The following KLHL7 variants were observed in gnomAD, a reference collection of about 807,000 sequenced individuals.
KLHL7 encodes kelch like family member 7.
KLHL7 carries 44 observed loss-of-function variants against 67.4 expected under a neutral mutation model. That is an observed-to-expected ratio of 0.65 (90% CI 0.51 to 0.84). The LOEUF (loss-of-function observed/expected upper bound fraction) is 0.84, where lower values mean the gene tolerates loss of function less well. Among genes scored for constraint, KLHL7 ranks in the 40% least tolerant of loss-of-function variants. The pLI, the probability that KLHL7 is intolerant of heterozygous loss-of-function variation, is 0.00. For synonymous variants in KLHL7, 252 were observed against 243.3 expected, an observed-to-expected ratio of 1.04 and a Z score of -0.33; for missense variants, 362 against 718.1, an observed-to-expected ratio of 0.50 and a Z score of 5.67.
intron 9 of KLHL7, 77 bp from the exon 10 acceptor site, chr7:23,172,871 A>C: frequency 9.5e-7 from 1 of 1,053,352 alleles, no homozygotes; most frequent in Non-Finnish European, 1.5e-6. Flanking sequence ...ACTTAATTAG[A>C]ATAATAGACC....
At position 23,161,821 on chromosome 7, in the gene KLHL7, T is replaced by C. The variant is rs189137525; in HGVS notation, c.937-3877T>C. ...GGTGGCCCTAATGGATGATATATAC[T>C]TTTCTACAAATGTGAACTATCACTC... On this transcript the variant is annotated intron_variant, in intron 7 of 10. Transcript: ENST00000339077. Among the ~76,000 whole-genome samples, 53 of 152,338 alleles carry C rather than the reference T, an allele frequency of 3.5e-4. 1 individual carries two copies. Among genetic ancestry groups the C allele is most frequent in the Admixed American group, 5.9e-4 (9 of 15,300 alleles).
chr7:23,119,779 T>G (rs1440998366), intron 1 of KLHL7, among the ~76,000 whole-genome samples: 1 of 148,204 alleles, frequency 6.7e-6, no homozygotes, highest in Non-Finnish European at 1.5e-5. Flanking sequence ...TGACTTGGGA[T>G]TTTTTTTTCA....
intron 9 of KLHL7, among the ~76,000 whole-genome samples, chr7:23,170,713 C>T (rs1330608067): frequency 6.6e-6 from 1 of 152,092 alleles, no homozygotes; most frequent in East Asian, 1.9e-4. Flanking sequence ...GATCATTACA[C>T]ATTGTATACA....
At chr7:23,119,431 C>T (rs1783238965) in intron 1 of KLHL7, among the ~76,000 whole-genome samples, 1 of 152,184 alleles carries the variant, frequency 6.6e-6, no homozygotes, top group Non-Finnish European at 1.5e-5. Context: ...TCTCAAACTC[C>T]TCAAGTGATC....
chr7:23,145,756 T>C (rs886177086), intron 6 of KLHL7, among the ~76,000 whole-genome samples: 2 of 152,232 alleles, frequency 1.3e-5, no homozygotes, highest in African/African-American at 4.8e-5. Flanking sequence ...ACTTTATTTT[T>C]TTGAGACAGA....
chr7:23,146,560 G>A (rs1340168963), intron 6 of KLHL7, among the ~76,000 whole-genome samples: 1 of 152,120 alleles, frequency 6.6e-6, no homozygotes, highest in South Asian at 2.1e-4. Flanking sequence ...CCTTTGTGAT[G>A]TGGTTGGAAA....
chr7:23,117,810 C>T (rs756434125), intron 1 of KLHL7: 25 of 1,581,930 alleles, frequency 1.6e-5, no homozygotes, highest in South Asian at 4.6e-5. Flanking sequence ...CTAATAAGGG[C>T]CTCATTTCCC....
In KLHL7 at chr7:23,174,488, C is replaced by T. The variant is rs954184562; in HGVS notation, c.*190C>T. ...ATTCAAAGATCATATTTTAGCTGGC[C>T]ACAAAACCAAGAACATATCTAGCAA... On this transcript the variant is annotated 3_prime_UTR_variant, in exon 11 of 11. Transcript: ENST00000339077. 4.2e-6 allele frequency: 3 copies of T among 709,706 alleles called. No individual in the cohort carries two copies. In the African/African-American group the frequency reaches 5.2e-5, roughly 12 times the overall value. The allele number at this position is 709,706 out of a possible 1,614,324, so 44.0% of individuals were successfully genotyped here.
chr7:23,132,469 A>G (rs1319654136), intron 4 of KLHL7, among the ~76,000 whole-genome samples: 1 of 152,156 alleles, frequency 6.6e-6, no homozygotes, highest in African/African-American at 2.4e-5. Flanking sequence ...ATATCTATTC[A>G]AATCTTTTGC....
intron 6 of KLHL7, among the ~76,000 whole-genome samples, chr7:23,149,784 C>A (rs959967054): frequency 2.0e-5 from 3 of 152,320 alleles, no homozygotes; most frequent in Admixed American, 2.0e-4. Context: ...TTTTCAGACC[C>A]CTGACCTAGA....
intron 4 of KLHL7, among the ~76,000 whole-genome samples, chr7:23,138,959 C>T (rs1158507876): frequency 2.0e-5 from 3 of 151,962 alleles, no homozygotes; most frequent in Non-Finnish European, 4.4e-5. Context: ...GAAAACTTGC[C>T]AGCTCATTCT....
chr7:23,168,084 A>C, intron 9 of KLHL7, 47 bp downstream of exon 9: 3 of 1,553,268 alleles, frequency 1.9e-6, no homozygotes, highest in Non-Finnish European at 2.7e-6. Flanking sequence ...GTATTCTATA[A>C]GCTCTGTAGG....
chr7:23,139,670 C>T (rs1433651893), intron 4 of KLHL7, among the ~76,000 whole-genome samples: 1 of 151,940 alleles, frequency 6.6e-6, no homozygotes, highest in Non-Finnish European at 1.5e-5. Context: ...TAAATGAAGA[C>T]AATGTGAAAT....
chr7:23,119,846 T>G (rs1169719585), intron 1 of KLHL7, among the ~76,000 whole-genome samples: 1 of 152,148 alleles, frequency 6.6e-6, no homozygotes, highest in East Asian at 1.9e-4. Flanking sequence ...GTTTCCATAT[T>G]TATCTTATTT....
intron 4 of KLHL7, among the ~76,000 whole-genome samples, chr7:23,128,371 G>A (rs1014300136): frequency 8.4e-5 from 12 of 142,234 alleles, no homozygotes; most frequent in Admixed American, 4.6e-4. Context: ...AGTTCCAGAA[G>A]GAACAGATGG....
rs185852811 is a variant in KLHL7, at chr7:23,171,061, C to T, written c.1380-1887C>T. ...TAGCTGGGATTACAGGCGCACGCCACCACACGGGCTAATTTTTGTATTTTC... is the reference window on the plus strand; with the variant it reads ...TAGCTGGGATTACAGGCGCACGCCATCACACGGGCTAATTTTTGTATTTTC... On this transcript the variant is annotated intron_variant, in intron 9 of 10. Coordinates refer to ENST00000339077, the MANE Select transcript of KLHL7 (RefSeq NM_001031710.3). 2.5e-3 allele frequency: 450 copies of T among 181,112 alleles called. 3 individuals are homozygous for T. The highest frequency in any genetic ancestry group is 7.0e-3 in the Middle Eastern group (9 of 1,278). The allele number at this position is 181,112 out of a possible 1,614,324, so 11.2% of individuals were successfully genotyped here.
chr7:23,113,136 AAAAAAAAATAGAAT>A (rs1782943431), intron 1 of KLHL7, among the ~76,000 whole-genome samples: 1 of 152,140 alleles, frequency 6.6e-6, no homozygotes, highest in Non-Finnish European at 1.5e-5. Context: ...TTTCTCTAAA[AAAAAAAAATAGAAT>A]GAGATCATCT....
At chr7:23,166,875 A>G (rs932753235) in intron 8 of KLHL7, among the ~76,000 whole-genome samples, 1 of 152,070 alleles carries the variant, frequency 6.6e-6, no homozygotes, top group Admixed American at 6.6e-5. Flanking sequence ...TTTTTAATCT[A>G]CTATATACTA....
At chr7:23,115,339 G>T (rs1783040161) in intron 1 of KLHL7, among the ~76,000 whole-genome samples, 1 of 152,124 alleles carries the variant, frequency 6.6e-6, no homozygotes, top group African/African-American at 2.4e-5. Context: ...GGTTTCTGGG[G>T]AACAGAGGGT....
Sources: gnomAD v4.1 joint callset for allele counts (sites outside exome capture counted in the v4.1 genomes callset) on GRCh38, gnomAD v4.1.1 for gene constraint, MANE v1.5 for transcripts, NCBI Gene and HGNC (gene_info 2026-07-23, HGNC 2026-07-21) for gene names.